PHF20: variants seen among roughly 807,000 people sequenced by gnomAD.
PHF20 encodes the protein PHD finger protein 20.
Under a neutral mutation model 113.5 loss-of-function variants are expected in PHF20, and 23 were observed. That is an observed-to-expected ratio of 0.20 (90% CI 0.15 to 0.29). The LOEUF (loss-of-function observed/expected upper bound fraction) is 0.29. Among genes scored for constraint, PHF20 ranks in the 10% least tolerant of loss-of-function variants. The pLI, the probability that PHF20 is intolerant of heterozygous loss-of-function variation, is 1.00. For synonymous variants in PHF20, 434 were observed against 457.3 expected, an observed-to-expected ratio of 0.95 and a Z score of 0.65; for missense variants, 943 against 1,219.6, an observed-to-expected ratio of 0.77 and a Z score of 3.38.
At position 35,947,518 on chromosome 20, in the gene PHF20, T is replaced by C. The variant is rs1308793604; in HGVS notation, c.2930T>C (p.Leu977Pro). Reference protein sequence around the residue: ...LESWLDYTGELEPPEPLARLP... With the variant: ...LESWLDYTGEPEPPEPLARLP... ...AGCTGGCTGGACTACACTGGGGAAC[T>C]GGAGCCCCCTGAGCCGCTGGCCAGG... Residue 977 changes from leucine to proline, a missense_variant, in exon 18 of 18, where the codon CTG (leucine) becomes CCG (proline). By Grantham distance (98) the Leu-to-Pro change is moderately conservative (BLOSUM62 -3). Transcript: ENST00000374012. 6.2e-7 allele frequency: 1 copy of C among 1,614,004 alleles called. No homozygotes were observed. The highest frequency in any genetic ancestry group is 2.2e-5 in the East Asian group (1 of 44,894).
chr20:35,857,453 C>G (rs2425174), intron 4 of PHF20, among the ~76,000 whole-genome samples: 11,571 of 151,572 alleles, frequency 0.076, 678 homozygotes, highest in South Asian at 0.2. Context: ...GTGTTTTGAC[C>G]AAGTCTCTAT....
At position 35,940,894 on chromosome 20, in the gene PHF20, C is replaced by T. The variant is rs1303300907; in HGVS notation, c.2743C>T (p.Pro915Ser). 24 of 1,613,818 alleles carry T rather than the reference C, an allele frequency of 1.5e-5. No individual in the cohort carries two copies. Among genetic ancestry groups the T allele is most frequent in the Non-Finnish European group, 2.0e-5 (24 of 1,179,876 alleles). ...GGAATATGTCTCCAAAAAGGCCCTACCAGAAGAAGCCCCTGCTCGGAAGCT... is the reference window on the plus strand; with the variant it reads ...GGAATATGTCTCCAAAAAGGCCCTATCAGAAGAAGCCCCTGCTCGGAAGCT... The part of the protein sequence containing the change: ...VKEYVSKKAL[P>S]EEAPARKLLD... The change falls in exon 17 of 18, where the codon CCA becomes TCA. Residue 915 changes from proline to serine, a missense_variant. Pro to Ser is a moderately conservative substitution (Grantham distance 74, BLOSUM62 -1). Coordinates refer to ENST00000374012, the MANE Select transcript of PHF20 (RefSeq NM_016436.5).
At chr20:35,939,253 A>T in intron 16 of PHF20, 145 bp downstream of exon 16, 1 of 957,188 alleles carries the variant, frequency 1.0e-6, no homozygotes, top group Non-Finnish European at 1.5e-6. Flanking sequence ...GTTTGCCAAA[A>T]TGGGTGCAAA....
intron 1 of PHF20, among the ~76,000 whole-genome samples, chr20:35,791,475 ATC>A (rs2041550137): frequency 7.5e-6 from 1 of 132,828 alleles, no homozygotes; most frequent in Non-Finnish European, 1.6e-5. Context: ...CTATCTATCT[ATC>A]TATCTATCTA....
chr20:35,844,543 C>CCG (rs1491281343), intron 3 of PHF20, among the ~76,000 whole-genome samples: 4 of 117,710 alleles, frequency 3.4e-5, no homozygotes, highest in African/African-American at 1.3e-4. Flanking sequence ...TTCACCATCA[C>CCG]CACACACACA....
chr20:35,933,968 C>T (rs1478237834), intron 15 of PHF20, among the ~76,000 whole-genome samples: 2 of 152,178 alleles, frequency 1.3e-5, no homozygotes, highest in Non-Finnish European at 1.5e-5. Flanking sequence ...AGGTACTTTT[C>T]GAACTGTCTC....
rs768999648 is a variant in PHF20, at chr20:35,947,485, T to G, written c.2897T>G (p.Val966Gly). 54 of 1,613,714 alleles carry G rather than the reference T, an allele frequency of 3.3e-5. No homozygotes were observed. Among genetic ancestry groups the G allele is most frequent in the Non-Finnish European group, 4.4e-5 (52 of 1,179,814 alleles). ...TCTCATCTCTCTCTTCTGCCGACAGTGTTGGAGAGCTGGCTGGACTACACT... is the reference window on the plus strand; with the variant it reads ...TCTCATCTCTCTCTTCTGCCGACAGGGTTGGAGAGCTGGCTGGACTACACT... Reference protein sequence around the residue: ...RMDSIEKELDVLESWLDYTGE... With the variant: ...RMDSIEKELDGLESWLDYTGE... The change falls in exon 18 of 18, where the codon GTG becomes GGG. Residue 966 changes from valine to glycine, a missense_variant and splice_region_variant. By Grantham distance (109) the Val-to-Gly change is moderately radical (BLOSUM62 -3). Transcript: ENST00000374012.
At chr20:35,931,830 A>C (rs1475799860) in intron 15 of PHF20, among the ~76,000 whole-genome samples, 2 of 151,906 alleles carry the variant, frequency 1.3e-5, no homozygotes, top group Non-Finnish European at 2.9e-5. Context: ...GTGCGCCTGT[A>C]ATCTCAGCTA....
intron 6 of PHF20, 56 bp from the exon 7 acceptor site, chr20:35,869,382 T>C: frequency 1.2e-6 from 1 of 845,438 alleles, no homozygotes; most frequent in Non-Finnish European, 1.9e-6. Flanking sequence ...TATATAAAAA[T>C]GACAGACACT....
chr20:35,839,735 G>T (rs76013929), intron 2 of PHF20, among the ~76,000 whole-genome samples: 7,674 of 152,220 alleles, frequency 0.05, 241 homozygotes, highest in African/African-American at 0.098. Context: ...AGCAAGTAAG[G>T]TATGCATAGT....
intron 10 of PHF20, among the ~76,000 whole-genome samples, chr20:35,903,257 G>C (rs888161602): frequency 6.6e-6 from 1 of 151,584 alleles, no homozygotes; most frequent in South Asian, 2.1e-4. Flanking sequence ...TAAAAATAAG[G>C]CCTGCTGTAT....
At chr20:35,864,577 A>T (rs1009527610) in intron 6 of PHF20, among the ~76,000 whole-genome samples, 3 of 152,190 alleles carry the variant, frequency 2.0e-5, no homozygotes, top group Admixed American at 2.0e-4. Flanking sequence ...TGTGGAAAAA[A>T]ATTTAACTTA....
chr20:35,911,847 CG>C (rs1432640799), intron 10 of PHF20, among the ~76,000 whole-genome samples: 1 of 151,688 alleles, frequency 6.6e-6, no homozygotes, highest in Non-Finnish European at 1.5e-5. Flanking sequence ...TTAGTAGAGA[CG>C]GGGTTTTGCC....
intron 3 of PHF20, among the ~76,000 whole-genome samples, chr20:35,844,583 ACACAC>A (rs2042590494): frequency 6.6e-6 from 1 of 150,500 alleles, no homozygotes; most frequent in Non-Finnish European, 1.5e-5. Flanking sequence ...ACACACACAC[ACACAC>A]ACAGGCTGAA....
intron 4 of PHF20, chr20:35,851,054 G>C: frequency 2.9e-6 from 1 of 344,794 alleles, no homozygotes; most frequent in Non-Finnish European, 5.5e-6. Flanking sequence ...TCAGCCTCCC[G>C]AATCTCCCCT....
At position 35,863,359 on chromosome 20, in the gene PHF20, C is replaced by T. The variant is rs1394749451; in HGVS notation, c.767C>T (p.Pro256Leu). The change falls in exon 6 of 18, where the codon CCC becomes CTC. Residue 256 changes from proline (P) to leucine (L), a missense_variant. By Grantham distance (98) the Pro-to-Leu change is moderately conservative (BLOSUM62 -3). This residue lies in a region of PHF20 where 592 missense variants were observed against 787.2 expected (regional missense o/e 0.75). Transcript: ENST00000374012. Reference sequence around the variant, plus strand: ...AGTCCACAAGAAAACTTGAGGGAACCCAAAAGAAAACGAGGCAGACCCCCT... The same window carrying T: ...AGTCCACAAGAAAACTTGAGGGAACTCAAAAGAAAACGAGGCAGACCCCCT... ...VKSPQENLRE[P>L]KRKRGRPPSI... is the part of the protein sequence containing the mutation. 6.2e-7 allele frequency: 1 copy of T among 1,607,804 alleles called. No individual in the cohort carries two copies. Among genetic ancestry groups the T allele is most frequent in the Admixed American group, 1.7e-5 (1 of 57,962 alleles).
chr20:35,784,144 C>T (rs1251358821), intron 1 of PHF20, among the ~76,000 whole-genome samples: 1 of 150,180 alleles, frequency 6.7e-6, no homozygotes, highest in Admixed American at 6.6e-5. Context: ...ACCTCCACCT[C>T]CAGGGTTCAA....
At chr20:35,804,709 T>A (rs919280375) in intron 2 of PHF20, among the ~76,000 whole-genome samples, 1 of 151,890 alleles carries the variant, frequency 6.6e-6, no homozygotes, top group Non-Finnish European at 1.5e-5. Flanking sequence ...TATTTTTTTT[T>A]AAATGGGTGC....
chr20:35,772,306 C>T (rs2041074156), intron 1 of PHF20, among the ~76,000 whole-genome samples: 1 of 151,768 alleles, frequency 6.6e-6, no homozygotes, highest in Admixed American at 6.6e-5. Flanking sequence ...CGGGGCTACC[C>T]GCAAGAGTGG....
Sources: gnomAD v4.1 joint callset for allele counts (sites outside exome capture counted in the v4.1 genomes callset) on GRCh38, gnomAD v4.1.1 for gene constraint, gnomAD v4.1.1 regional missense constraint, MANE v1.5 for transcripts, NCBI Gene and HGNC (gene_info 2026-07-23, HGNC 2026-07-21) for gene names.